Variants in FOCAD observed in about 807,000 individuals in gnomAD.
FOCAD encodes the protein KIAA1797.
In FOCAD, 198 loss-of-function variants were observed where a neutral mutation model predicts 225.6. That is an observed-to-expected ratio of 0.88 (90% CI 0.78 to 0.99). The LOEUF is 0.99. FOCAD is among the 50% of genes least tolerant of loss of function. The pLI, the probability that FOCAD is intolerant of heterozygous loss-of-function variation, is 0.00. For missense variants in FOCAD, 2,713 were observed against 2,123.6 expected, an observed-to-expected ratio of 1.28 and a Z score of -5.46; for synonymous variants, 897 against 755.0, an observed-to-expected ratio of 1.19 and a Z score of -3.08.
chr9:20,781,922 A>G lies in FOCAD; in HGVS notation c.1190A>G (p.His397Arg). The change falls in exon 10 of 44, where the codon CAC becomes CGC. Residue 397 changes from histidine to arginine, a missense_variant. By Grantham distance (29) the His-to-Arg change is conservative (BLOSUM62 0). Transcript: ENST00000338382. ...MIQQECYRDD[H>R]QKLSYKLVCP... ...CAGCAGGAATGTTACAGAGATGACC[A>G]CCAAAAGGTAATGAATCTATCCTTG... The G allele has an allele frequency of 1.9e-6, 3 of 1,613,580 alleles. No homozygotes were observed. Among genetic ancestry groups the G allele is most frequent in the South Asian group, 1.1e-5 (1 of 91,036 alleles).
At chr9:20,864,028 G>C (rs1829016988) in intron 16 of FOCAD, among the ~76,000 whole-genome samples, 1 of 151,774 alleles carries the variant, frequency 6.6e-6, no homozygotes, top group Admixed American at 6.6e-5. Flanking sequence ...GACTGCTTTG[G>C]GGCCGTTCTC....
chr9:20,708,663 T>A (rs1587287055), intron 1 of FOCAD, among the ~76,000 whole-genome samples: 1 of 151,912 alleles, frequency 6.6e-6, no homozygotes, highest in South Asian at 2.1e-4. Context: ...TAGTCCCAGC[T>A]ACTTGGAAGG....
At position 20,929,518 on chromosome 9, in the gene FOCAD, A is replaced by T. The variant is rs766361366; in HGVS notation, c.3239A>T (p.Asp1080Val). 5 of 1,614,032 alleles carry T rather than the reference A, an allele frequency of 3.1e-6. No individual in the cohort carries two copies. The highest frequency in any genetic ancestry group is 4.5e-5 in the East Asian group (2 of 44,892). The change falls in exon 27 of 44, where the codon GAT (aspartate) becomes GTT (valine). Residue 1080 changes from aspartate to valine, a missense_variant. Physicochemically the swap from Asp to Val is radical, Grantham distance 152. Coordinates refer to ENST00000338382, the MANE Select transcript of FOCAD (RefSeq NM_001375567.1). ...TARLPGKPSA[D>V]ESQAVQIHMG... ...AGGTTACCTGGGAAACCAAGTGCTGATGAGTCTCAAGCCGTGCAAATCCAC... is the reference window on the plus strand; with the variant it reads ...AGGTTACCTGGGAAACCAAGTGCTGTTGAGTCTCAAGCCGTGCAAATCCAC...
intron 1 of FOCAD, among the ~76,000 whole-genome samples, chr9:20,698,036 C>T (rs576549377): frequency 8.5e-5 from 13 of 152,140 alleles, no homozygotes; most frequent in Admixed American, 6.5e-4. Flanking sequence ...TTTGCCTTGG[C>T]GTGTGCTGTG....
intron 15 of FOCAD, among the ~76,000 whole-genome samples, chr9:20,827,977 A>T (rs1825082261): frequency 6.6e-6 from 1 of 152,062 alleles, no homozygotes; most frequent in African/African-American, 2.4e-5. Context: ...GTTTGAGGCT[A>T]GCCTGGGAAT....
At chr9:20,738,019 C>G (rs1440560011) in intron 4 of FOCAD, among the ~76,000 whole-genome samples, 1 of 152,154 alleles carries the variant, frequency 6.6e-6, no homozygotes, top group Non-Finnish European at 1.5e-5. Flanking sequence ...TAGTGGGAGA[C>G]ACCAGTCCTT....
At chr9:20,830,467 A>T (rs1825372057) in intron 15 of FOCAD, among the ~76,000 whole-genome samples, 1 of 152,222 alleles carries the variant, frequency 6.6e-6, no homozygotes, top group Non-Finnish European at 1.5e-5. Context: ...TTAGTCTCTC[A>T]CAAAGCTGTT....
chr9:20,924,573 TAAC>T (rs1425547239), intron 25 of FOCAD, among the ~76,000 whole-genome samples: 1 of 152,192 alleles, frequency 6.6e-6, no homozygotes, highest in Non-Finnish European at 1.5e-5. Flanking sequence ...TTATTAATAA[TAAC>T]CATTCAAAAT....
chr9:20,944,975 G>T (rs753809963), intron 29 of FOCAD, among the ~76,000 whole-genome samples: 1 of 152,110 alleles, frequency 6.6e-6, no homozygotes, highest in Admixed American at 6.6e-5. Context: ...CCTAAATGTG[G>T]CATATAAGAT....
At chr9:20,923,304 C>T (rs1239574226) in intron 24 of FOCAD, among the ~76,000 whole-genome samples, 1 of 151,984 alleles carries the variant, frequency 6.6e-6, no homozygotes, top group Non-Finnish European at 1.5e-5. Context: ...TATGTCTTTA[C>T]AACAAATCAA....
At chr9:20,978,664 A>G (rs978333942) in intron 37 of FOCAD, among the ~76,000 whole-genome samples, 3 of 152,356 alleles carry the variant, frequency 2.0e-5, no homozygotes, top group Admixed American at 1.3e-4. Context: ...TTTAGCTACC[A>G]TTTATTACCA....
intron 21 of FOCAD, among the ~76,000 whole-genome samples, chr9:20,896,128 T>G: frequency 6.6e-6 from 1 of 151,986 alleles, no homozygotes; most frequent in East Asian, 1.9e-4. Flanking sequence ...GATTATGTGA[T>G]TTTTCTTCTT....
At chr9:20,731,647 C>G (rs564577092) in intron 4 of FOCAD, among the ~76,000 whole-genome samples, 2 of 151,980 alleles carry the variant, frequency 1.3e-5, no homozygotes, top group Non-Finnish European at 2.9e-5. Flanking sequence ...CACAGAGTTT[C>G]GTTCTTGTTG....
At chr9:20,925,182 T>C (rs966900187) in intron 25 of FOCAD, among the ~76,000 whole-genome samples, 1 of 152,174 alleles carries the variant, frequency 6.6e-6, no homozygotes, top group Non-Finnish European at 1.5e-5. Context: ...AAGATGGAAA[T>C]TTTATAGAGA....
intron 21 of FOCAD, among the ~76,000 whole-genome samples, chr9:20,894,866 G>A (rs978368183): frequency 6.6e-6 from 1 of 151,894 alleles, no homozygotes; most frequent in Non-Finnish European, 1.5e-5. Context: ...TTAATACATA[G>A]TGCCTTTGAT....
rs755667771 is a variant in FOCAD, at chr9:20,953,034, T to C, written c.4101T>C (p.Ala1367=). The change falls in exon 35 of 44, where the codon GCT becomes GCC. Residue 1367 remains alanine, a synonymous_variant. Transcript: ENST00000338382. ...CTGAAAGCAGTTTTATTGGAGCAGC[T>C]ATTGGCTTCTTCATTACAGGAGGAA... The part of the protein sequence containing the change: ...YLPESSFIGA[A]IGFFITGGKK... The C allele has an allele frequency of 1.2e-6, 2 of 1,613,454 alleles. No individual in the cohort carries two copies. The highest frequency in any genetic ancestry group is 2.7e-5 in the African/African-American group (2 of 74,900).
chr9:20,987,599 TG>T (rs2132676312), intron 40 of FOCAD, among the ~76,000 whole-genome samples: 1 of 151,996 alleles, frequency 6.6e-6, no homozygotes, highest in East Asian at 1.9e-4. Flanking sequence ...CACTGAAAAA[TG>T]AACCTATGAT....
chr9:20,932,837 G>A (rs538143663), intron 27 of FOCAD, among the ~76,000 whole-genome samples, 177 bp from the exon 28 acceptor site: 1 of 152,114 alleles, frequency 6.6e-6, no homozygotes, highest in East Asian at 1.9e-4. Context: ...TAATTGGTCA[G>A]ACTTAGTTTC....
At chr9:20,815,124 T>TTTTTTTTTTTTTG (rs1197171356) in intron 11 of FOCAD, among the ~76,000 whole-genome samples, 1 of 28,824 alleles carries the variant, frequency 3.5e-5, no homozygotes, top group African/African-American at 1.1e-4. Context: ...CTTCTCTTTG[T>TTTTTTTTTTTTTG]TTTTTTTTTT....
Sources: gnomAD v4.1 joint callset for allele counts (sites outside exome capture counted in the v4.1 genomes callset) on GRCh38, gnomAD v4.1.1 for gene constraint, MANE v1.5 for transcripts, NCBI Gene and HGNC (gene_info 2026-07-23, HGNC 2026-07-21) for gene names.